C13orf42: variants seen among roughly 807,000 people sequenced by gnomAD.
C13orf42 encodes uncharacterized protein C13orf42.
chr13:51,156,668 G>A (rs535223195), intron 1 of C13orf42, among the ~76,000 whole-genome samples: 103 of 152,334 alleles, frequency 6.8e-4, no homozygotes, highest in African/African-American at 2.4e-3. Context: ...TTATTGTAAA[G>A]ACTAGTGGAA....
rs968081592 is a variant in C13orf42 at position 51,147,272 on chromosome 13, G to T, written n.136+24981C>A. Among the ~76,000 whole-genome samples the T allele has an allele frequency of 3.3e-5, 5 of 152,216 alleles. No homozygotes were observed. The South Asian group carries it at 6.2e-4, about 19-fold the overall frequency. On this transcript the variant is annotated intron_variant and non_coding_transcript_variant, in intron 1 of 4. Coordinates refer to the C13orf42 transcript ENST00000433280. The stretch of plus-strand genomic sequence containing the variant: ...TCCTACACAGGAGAACAGTCTCTGT[G>T]AGAGTCAGTCCTGCTATAGGACAAA...
chr13:51,129,118 T>G (rs1340871651), intron 1 of C13orf42, among the ~76,000 whole-genome samples: 1 of 152,206 alleles, frequency 6.6e-6, no homozygotes, highest in Non-Finnish European at 1.5e-5. Context: ...ACTCAAAGCT[T>G]CTGTTGTTAA....
chr13:51,141,859 T>G (rs946967052), intron 1 of C13orf42, among the ~76,000 whole-genome samples: 1 of 152,196 alleles, frequency 6.6e-6, no homozygotes, highest in Non-Finnish European at 1.5e-5. Flanking sequence ...CTTTTTCAAG[T>G]TTATGTAACT....
At chr13:51,112,361 G>GGT (rs1175591836), upstream of C13orf42, among the ~76,000 whole-genome samples, 16 of 151,970 alleles carry the variant, frequency 1.1e-4, no homozygotes, top group South Asian at 1.2e-3. Context: ...GTGTGTGTGG[G>GGT]GTGTGTGTGT....
intron 1 of C13orf42, among the ~76,000 whole-genome samples, chr13:51,152,756 G>C (rs140316404): frequency 1.3e-5 from 2 of 152,250 alleles, no homozygotes; most frequent in East Asian, 3.9e-4. Flanking sequence ...TCTACCATCA[G>C]TAAAAAGAGG....
intron 1 of C13orf42, among the ~76,000 whole-genome samples, chr13:51,091,145 T>A (rs1197256133): frequency 6.6e-6 from 1 of 152,230 alleles, no homozygotes; most frequent in East Asian, 1.9e-4. Flanking sequence ...TGGCTGACAC[T>A]GAAGAGCCTG....
chr13:51,168,942 C>T (rs921973363), intron 1 of C13orf42, among the ~76,000 whole-genome samples: 3 of 152,178 alleles, frequency 2.0e-5, no homozygotes, highest in African/African-American at 7.2e-5. Context: ...TTGTAAGTTT[C>T]CTGAGGCCTC....
chr13:51,164,317 TG>T (rs1448698007), intron 1 of C13orf42, among the ~76,000 whole-genome samples: 1 of 152,210 alleles, frequency 6.6e-6, no homozygotes, highest in African/African-American at 2.4e-5. Flanking sequence ...CCTAATGCTC[TG>T]CACAAGTAGG....
At chr13:51,152,211 C>CG (rs1953783558) in intron 1 of C13orf42, among the ~76,000 whole-genome samples, 1 of 152,214 alleles carries the variant, frequency 6.6e-6, no homozygotes, top group South Asian at 2.1e-4. Context: ...ATGCTTAGAA[C>CG]GGTGCACTCC....
chr13:51,137,267 C>A (rs1207993798), intron 1 of C13orf42, among the ~76,000 whole-genome samples: 12 of 152,140 alleles, frequency 7.9e-5, no homozygotes, highest in Admixed American at 7.2e-4. Flanking sequence ...AACTAATAAC[C>A]AAAGATGGAG....
Position 51,110,941 on chromosome 13 carries a change from T to C in C13orf42, c.269A>G (p.Gln90Arg), listed in dbSNP as rs1953422731. Residue 90 changes from glutamine (Q) to arginine (R), a missense_variant, in exon 1 of 4, where the codon CAG (glutamine) becomes CGG (arginine). Coordinates refer to ENST00000563710, the MANE Select transcript of C13orf42 (RefSeq NM_001351589.3). ...TTTTTTGCGCAAGGCCAGCAGCTCC[T>C]GCAGGTACTGCAGGCAGTCCTGGGT... ...SRTQDCLQYL[Q>R]ELLALRKKYL... 1 of 398,666 alleles carries C rather than the reference T, an allele frequency of 2.5e-6. No individual in the cohort carries two copies. 24.7% of individuals were successfully genotyped at this position (398,666 alleles called of 1,614,324 possible).
intron 1 of C13orf42, among the ~76,000 whole-genome samples, chr13:51,157,732 G>A (rs1408050922): frequency 6.6e-6 from 1 of 152,256 alleles, no homozygotes; most frequent in South Asian, 2.1e-4. Context: ...CAACCAACTG[G>A]TGTTTTTTTA....
upstream of C13orf42, among the ~76,000 whole-genome samples, chr13:51,114,881 G>T (rs563765080): frequency 6.6e-6 from 1 of 152,200 alleles, no homozygotes; most frequent in Admixed American, 6.5e-5. Context: ...ATAGGTTTTA[G>T]GTGTTCTTGT....
chr13:51,132,699 A>G (rs1203519495), intron 1 of C13orf42, among the ~76,000 whole-genome samples: 1 of 152,126 alleles, frequency 6.6e-6, no homozygotes, highest in East Asian at 1.9e-4. Context: ...AAAAGCAGGG[A>G]AAATGTCAGA....
intron 1 of C13orf42, among the ~76,000 whole-genome samples, chr13:51,119,958 G>A (rs1206224733): frequency 6.9e-6 from 1 of 144,648 alleles, no homozygotes; most frequent in Non-Finnish European, 1.5e-5. Flanking sequence ...AAAGAGATCG[G>A]AGAATCTGGG....
At chr13:51,089,482 C>T (rs1953161451) in intron 1 of C13orf42, among the ~76,000 whole-genome samples, 1 of 152,006 alleles carries the variant, frequency 6.6e-6, no homozygotes, top group Non-Finnish European at 1.5e-5. Context: ...TGAGTGAGTT[C>T]TCATGAGATC....
intron 1 of C13orf42, among the ~76,000 whole-genome samples, chr13:51,094,614 C>T (rs1953214430): frequency 6.6e-6 from 1 of 151,278 alleles, no homozygotes; most frequent in Admixed American, 6.6e-5. Context: ...TATCTGGTAC[C>T]ACATTTACTC....
intron 1 of C13orf42, among the ~76,000 whole-genome samples, chr13:51,157,779 G>A (rs977611582): frequency 1.3e-5 from 2 of 152,148 alleles, no homozygotes; most frequent in South Asian, 2.1e-4. Flanking sequence ...CAGAAGCCTC[G>A]TGTATTGTGA....
In C13orf42 at chr13:51,085,553, G is replaced by T. The variant is rs1953113792; in HGVS notation, c.569C>A (p.Thr190Asn). 5.0e-6 allele frequency: 2 copies of T among 398,928 alleles called. No homozygotes were observed. Among genetic ancestry groups the T allele is most frequent in the East Asian group, 7.1e-5 (2 of 28,080 alleles). The allele number at this position is 398,928 out of a possible 1,614,324, so 24.7% of individuals were successfully genotyped here. A position where few individuals can be genotyped will look rare whatever the true frequency, so the allele number is the denominator to read the frequency against. The part of the protein sequence containing the change: ...PNEDVDFDVA[T>N]SSREHSLHSN... Reference sequence around the variant, plus strand: ...ATGCAAGCTGTGCTCCCTGGAGCTGGTGGCCACTAGAAGAGAAAAGCATGT... The same window carrying T: ...ATGCAAGCTGTGCTCCCTGGAGCTGTTGGCCACTAGAAGAGAAAAGCATGT... The change falls in exon 3 of 4, where the codon ACC (threonine) becomes AAC (asparagine). Residue 190 changes from threonine (T) to asparagine (N), a missense_variant. Transcript: ENST00000563710.
Sources: allele counts gnomAD v4.1 joint callset (sites outside exome capture counted in the v4.1 genomes callset), GRCh38; gene constraint gnomAD v4.1.1; transcripts MANE v1.5; gene names NCBI Gene and HGNC (gene_info 2026-07-23, HGNC 2026-07-21).